DCP2: variants seen among roughly 807,000 people sequenced by gnomAD.
The protein encoded by DCP2 is m7GpppN-mRNA hydrolase.
In DCP2, 30 loss-of-function variants were observed where a neutral mutation model predicts 56.1. The ratio of observed to expected loss-of-function variants is 0.53; its 90% confidence interval spans 0.40 to 0.73. The LOEUF (loss-of-function observed/expected upper bound fraction) is 0.73, where lower values mean the gene tolerates loss of function less well. Ranked by LOEUF, DCP2 falls within the 30% of genes least tolerant of loss-of-function variation. The probability of loss-of-function intolerance (pLI) is 0.00; values close to 1 mark genes in which losing one functional copy is unlikely to be tolerated. For missense variants in DCP2, 533 were observed against 502.7 expected (o/e 1.06, Z -0.58); for synonymous variants, 197 against 163.3 (o/e 1.21, Z -1.57).
chr5:112,994,932 A>G (rs973207304), intron 4 of DCP2, among the ~76,000 whole-genome samples: 1 of 152,178 alleles, frequency 6.6e-6, no homozygotes, highest in Admixed American at 6.5e-5. Context: ...TTTGTGGCAC[A>G]TTTCATTAGA....
At chr5:112,991,209 A>G (rs1748571615) in intron 2 of DCP2, among the ~76,000 whole-genome samples, 1 of 152,240 alleles carries the variant, frequency 6.6e-6, no homozygotes, top group Non-Finnish European at 1.5e-5. Flanking sequence ...AGTAATATCA[A>G]AATGAAAACA....
At position 113,014,813 on chromosome 5, in the gene DCP2, T is replaced by G. The variant is rs982379271; in HGVS notation, c.*1329T>G. ...TTAAAAATCCTTTTTTACAGTGGTA[T>G]CCACAAAATACTTCTCTGCTTATAA... On this transcript the variant is annotated 3_prime_UTR_variant, in exon 11 of 11. Transcript: ENST00000389063. 1 of 152,638 alleles carries G rather than the reference T, an allele frequency of 6.6e-6. No individual in the cohort carries two copies. The highest frequency in any genetic ancestry group is 2.4e-5 in the African/African-American group (1 of 41,444). 9.5% of individuals were successfully genotyped at this position (152,638 alleles called of 1,614,324 possible). A position where few individuals can be genotyped will look rare whatever the true frequency, so the allele number is the denominator to read the frequency against.
chr5:113,006,175 G>A (rs1749425774), intron 8 of DCP2, among the ~76,000 whole-genome samples: 1 of 151,454 alleles, frequency 6.6e-6, no homozygotes, highest in Admixed American at 6.6e-5. Context: ...AAACCTCGAG[G>A]ACATTATGCT....
At chr5:113,007,873 G>A (rs1199820804) in intron 8 of DCP2, 65 bp from the exon 9 acceptor site, 18 of 1,383,706 alleles carry the variant, frequency 1.3e-5, no homozygotes, top group Non-Finnish European at 1.7e-5. Context: ...ATATTCATGG[G>A]GTATTTTTTT....
At position 113,021,747 on chromosome 5, in the gene DCP2, CTT is replaced by C. The variant is rs1750150611; in HGVS notation, c.*8265_*8266del. On this transcript the variant is annotated 3_prime_UTR_variant, in exon 11 of 11. Coordinates refer to ENST00000389063, the MANE Select transcript of DCP2 (RefSeq NM_152624.6). Reference sequence around the variant, plus strand: ...AGTGAAAACTTGAGAACATTGTAATCTTTCTCTAACAGATGTGTTGCAAAGCT... The same window carrying C: ...AGTGAAAACTTGAGAACATTGTAATCTCTCTAACAGATGTGTTGCAAAGCT... Among the ~76,000 whole-genome samples the C allele has an allele frequency of 1.3e-5, 2 of 152,168 alleles. No homozygotes were observed. The highest frequency in any genetic ancestry group is 4.8e-5 in the African/African-American group (2 of 41,412).
intron 4 of DCP2, among the ~76,000 whole-genome samples, chr5:112,995,566 A>G (rs1748810091): frequency 6.6e-6 from 1 of 152,236 alleles, no homozygotes; most frequent in Non-Finnish European, 1.5e-5. Context: ...TGAGGGAAGC[A>G]CAGGCATCCT....
chr5:113,001,879 G>A (rs1311987952), intron 7 of DCP2, among the ~76,000 whole-genome samples: 1 of 152,018 alleles, frequency 6.6e-6, no homozygotes, highest in East Asian at 1.9e-4. Flanking sequence ...GGAGCTTCAG[G>A]CACCTTTTAA....
chr5:113,008,476 C>CTGAAT (rs3068845), intron 9 of DCP2, among the ~76,000 whole-genome samples: 118,235 of 151,454 alleles, frequency 0.78, 46,194 homozygotes, highest in African/African-American at 0.81. Flanking sequence ...TGACAAATAA[C>CTGAAT]AAAGCAGTTT....
intron 4 of DCP2, among the ~76,000 whole-genome samples, chr5:112,999,765 A>T (rs1452559344): frequency 6.6e-6 from 1 of 151,780 alleles, no homozygotes; most frequent in Non-Finnish European, 1.5e-5. Context: ...GAGTAACTAG[A>T]AAAACAGGCG....
In DCP2 at chr5:112,994,086, C is replaced by T. The variant is rs142002138; in HGVS notation, c.432+1316C>T. ...TGCTGGGATTAGAGACACGAGCCACCGTGCTTGACTGGGCCTTAGTTTCTT... is the reference window on the plus strand; with the variant it reads ...TGCTGGGATTAGAGACACGAGCCACTGTGCTTGACTGGGCCTTAGTTTCTT... On this transcript the variant is annotated intron_variant, in intron 4 of 10. Coordinates refer to ENST00000389063, the MANE Select transcript of DCP2 (RefSeq NM_152624.6). Among the ~76,000 whole-genome samples the T allele has an allele frequency of 6.5e-4, 98 of 150,624 alleles. No homozygotes were observed. The East Asian group carries it at 0.014, about 21-fold the overall frequency.
Position 112,977,005 on chromosome 5 carries a change from C to T in DCP2, c.53+19C>T. Reference sequence around the variant, plus strand: ...TCTGCAGGTACCGCGCTACCCGACCCCCTTTCGCCCCCGTCGGGTTTTCTC... The same window carrying T: ...TCTGCAGGTACCGCGCTACCCGACCTCCTTTCGCCCCCGTCGGGTTTTCTC... On this transcript the variant is annotated intron_variant, in intron 1 of 10. Transcript: ENST00000389063. 2 of 1,496,936 alleles carry T rather than the reference C, an allele frequency of 1.3e-6. No individual in the cohort carries two copies. The highest frequency in any genetic ancestry group is 1.8e-6 in the Non-Finnish European group (2 of 1,112,348). 92.7% of individuals were successfully genotyped at this position (1,496,936 alleles called of 1,614,324 possible).
rs1750064858 is a variant in DCP2, at chr5:113,020,480, C to CT, written c.*6997dup. On this transcript the variant is annotated 3_prime_UTR_variant, in exon 11 of 11. Coordinates refer to ENST00000389063, the MANE Select transcript of DCP2 (RefSeq NM_152624.6). Reference sequence around the variant, plus strand: ...TAGCAGAAAAGGAACCCCAAAACACCTGTAGTGTTCACCTTGTTATAAGAA... The same window carrying CT: ...TAGCAGAAAAGGAACCCCAAAACACCTTGTAGTGTTCACCTTGTTATAAGAA... 1 of 152,188 alleles carries CT rather than the reference C, an allele frequency of 6.6e-6. No individual in the cohort carries two copies. Among genetic ancestry groups the CT allele is most frequent in the African/African-American group, 2.4e-5 (1 of 41,452 alleles). The allele number at this position is 152,188 out of a possible 1,614,324, so 9.4% of individuals were successfully genotyped here.
At chr5:113,001,310 T>G (rs370145343) in intron 5 of DCP2, 47 bp from the exon 6 acceptor site, 2 of 1,595,740 alleles carry the variant, frequency 1.3e-6, no homozygotes, top group Non-Finnish European at 1.7e-6. Context: ...TTTTATAAGC[T>G]CCTTGATAAA....
chr5:113,021,390 A>C lies in DCP2; in HGVS notation c.*7906A>C, dbSNP rs959937508. On this transcript the variant is annotated 3_prime_UTR_variant, in exon 11 of 11. Coordinates refer to ENST00000389063, the MANE Select transcript of DCP2 (RefSeq NM_152624.6). ...CTGGAAAAAACAAAAAACAACCAAA[A>C]AAAAAAAAAAAAAACCCCCAGGAAG... 2.0e-5 allele frequency among the ~76,000 whole-genome samples: 3 copies of C among 147,976 alleles called. No homozygotes were observed. Among genetic ancestry groups the C allele is most frequent in the Non-Finnish European group, 4.5e-5 (3 of 67,392 alleles).
intron 2 of DCP2, among the ~76,000 whole-genome samples, chr5:112,987,221 A>G (rs181741684): frequency 2.6e-4 from 39 of 152,342 alleles, no homozygotes; most frequent in African/African-American, 9.1e-4. Flanking sequence ...TTTTAGGGAA[A>G]GCTATATTTT....
intron 1 of DCP2, among the ~76,000 whole-genome samples, chr5:112,981,025 T>C (rs553354788): frequency 1.4e-5 from 2 of 139,340 alleles, no homozygotes; most frequent in East Asian, 2.0e-4. Flanking sequence ...TTTGTGACTT[T>C]ATGATTTTTT....
chr5:113,009,933 T>A (rs1390134436), intron 9 of DCP2, among the ~76,000 whole-genome samples: 17 of 151,838 alleles, frequency 1.1e-4, no homozygotes, highest in Admixed American at 1.1e-3. Context: ...TTTTTTTTTT[T>A]TTGAGACAGG....
chr5:112,998,734 G>A (rs898642461), intron 4 of DCP2, among the ~76,000 whole-genome samples: 7 of 152,198 alleles, frequency 4.6e-5, no homozygotes, highest in Non-Finnish European at 4.4e-5. Flanking sequence ...TATTACTTTC[G>A]ATAAATGTGT....
intron 4 of DCP2, among the ~76,000 whole-genome samples, chr5:112,993,487 G>A (rs941846720): frequency 2.0e-5 from 3 of 151,916 alleles, no homozygotes; most frequent in African/African-American, 7.3e-5. Context: ...TTAGCTGGGC[G>A]TGGTGGTACA....
Sources: gnomAD v4.1 joint callset for allele counts (sites outside exome capture counted in the v4.1 genomes callset) on GRCh38, gnomAD v4.1.1 for gene constraint, MANE v1.5 for transcripts, NCBI Gene and HGNC (gene_info 2026-07-23, HGNC 2026-07-21) for gene names.